Variants in CEBPA observed in about 807,000 individuals in gnomAD.
The protein encoded by CEBPA is CCAAT enhancer binding protein alpha, also known as CCAAT/enhancer-binding protein alpha.
CEBPA carries 2 observed loss-of-function variants against 5.1 expected under a neutral mutation model. That is an observed-to-expected ratio of 0.39 (90% confidence interval 0.16 to 1.23). CEBPA has a LOEUF of 1.23. CEBPA is among the 50% of genes most tolerant of loss of function. The probability of loss-of-function intolerance (pLI) is 0.34; values close to 1 mark genes in which losing one functional copy is unlikely to be tolerated. For synonymous variants in CEBPA, 275 were observed against 264.1 expected (o/e 1.04, Z -0.40); for missense variants, 455 against 537.4 (o/e 0.85, Z 1.52).
In CEBPA at chr19:33,302,196, GA is replaced by G; in HGVS notation, c.218del (p.Phe73SerfsTer87). The G allele has an allele frequency of 6.7e-7, 1 of 1,495,816 alleles. No homozygotes were observed. The highest frequency in any genetic ancestry group is 8.9e-7 in the Non-Finnish European group (1 of 1,119,740). The allele number at this position is 1,495,816 out of a possible 1,614,324, so 92.7% of individuals were successfully genotyped here. ...DISAYIDPAA[F>X]NDEFLADLFQ... ...ACAGGTCGGCCAGGAACTCGTCGTT[GA>G]AGGCGGCCGGGTCGATGTAGGCGCT... is the stretch of plus-strand genomic sequence containing the variant. On this transcript the variant is annotated frameshift_variant, in exon 1 of 1. Transcript: ENST00000498907. LOFTEE classifies it low-confidence loss of function (END_TRUNC).
Position 33,301,965 on chromosome 19 carries a change from G to A in CEBPA, c.450C>T (p.Val150=), listed in dbSNP as rs2145262031. Residue 150 remains valine (V), a synonymous_variant, in exon 1 of 1, where the codon GTC becomes GTT. Transcript: ENST00000498907. The surrounding 1 kb of genome is among the most constrained non-coding windows in gnomAD (Gnocchi z 6.0). ...DGRLEPLYER[V]GAPALRPLVI... ...CCAGCGGCCGCAGCGCCGGCGCCCC[G>A]ACGCGCTCGTACAGGGGCTCCAGCC... is the stretch of plus-strand genomic sequence containing the variant. 1 of 1,245,442 alleles carries A rather than the reference G, an allele frequency of 8.0e-7. No individual in the cohort carries two copies. Among genetic ancestry groups the A allele is most frequent in the African/African-American group, 1.6e-5 (1 of 63,002 alleles). The allele number at this position is 1,245,442 out of a possible 1,614,324, so 77.1% of individuals were successfully genotyped here. A position where few individuals can be genotyped will look rare whatever the true frequency, so the allele number is the denominator to read the frequency against.
In CEBPA at chr19:33,301,242, C is replaced by G; in HGVS notation, c.*96G>C. On this transcript the variant is annotated 3_prime_UTR_variant, in exon 1 of 1. Coordinates refer to ENST00000498907, the MANE Select transcript of CEBPA (RefSeq NM_004364.5). The surrounding 1 kb of genome is among the most constrained non-coding windows in gnomAD (Gnocchi z 6.0). ...GCACCGGAATCTCCTAGTCCTGGCT[C>G]GCACGGCTCGGGCAAGCCTCGAGAT... 6.8e-7 allele frequency: 1 copy of G among 1,476,186 alleles called. No homozygotes were observed. Among genetic ancestry groups the G allele is most frequent in the Non-Finnish European group, 9.0e-7 (1 of 1,116,630 alleles). The allele number at this position is 1,476,186 out of a possible 1,614,324, so 91.4% of individuals were successfully genotyped here. A position where few individuals can be genotyped will look rare whatever the true frequency, so the allele number is the denominator to read the frequency against.
In CEBPA at chr19:33,302,419, G is replaced by A. The variant is rs2145265175; in HGVS notation, c.-5C>T. On this transcript the variant is annotated 5_prime_UTR_variant, in exon 1 of 1. Transcript: ENST00000498907. ...GTAGAAGTCGGCCGACTCCATGGGGGAGTTAGAGTTCTCCCGGCATGGCGA... is the reference window on the plus strand; with the variant it reads ...GTAGAAGTCGGCCGACTCCATGGGGAAGTTAGAGTTCTCCCGGCATGGCGA... The A allele has an allele frequency of 2.4e-6, 3 of 1,266,794 alleles. No homozygotes were observed. Among genetic ancestry groups the A allele is most frequent in the Non-Finnish European group, 3.0e-6 (3 of 1,003,630 alleles). The allele number at this position is 1,266,794 out of a possible 1,614,324, so 78.5% of individuals were successfully genotyped here. A position where few individuals can be genotyped will look rare whatever the true frequency, so the allele number is the denominator to read the frequency against.
chr19:33,302,271 G>A lies in CEBPA; in HGVS notation c.144C>T (p.Ala48=), dbSNP rs2145264160. The A allele has an allele frequency of 1.1e-5, 17 of 1,485,554 alleles. No individual in the cohort carries two copies. The highest frequency in any genetic ancestry group is 1.5e-5 in the Non-Finnish European group (17 of 1,114,098). 92.0% of individuals were successfully genotyped at this position (1,485,554 alleles called of 1,614,324 possible). Residue 48 remains alanine, a synonymous_variant, in exon 1 of 1, where the codon GCC becomes GCT. Coordinates refer to ENST00000498907, the MANE Select transcript of CEBPA (RefSeq NM_004364.5). The part of the protein sequence containing the change: ...GPAQPPAPPA[A]PEPLGGICEH... ...CGCAGATGCCGCCCAGCGGCTCCGG[G>A]GCGGCAGGTGGGGCGGGAGGCTGCG...
At position 33,301,302 on chromosome 19, in the gene CEBPA, G is replaced by A. The variant is rs767293321; in HGVS notation, c.*36C>T. 46 of 1,550,658 alleles carry A rather than the reference G, an allele frequency of 3.0e-5. 1 individual carries two copies. The East Asian group carries it at 9.8e-4, about 33-fold the overall frequency. Reference sequence around the variant, plus strand: ...CCAAACCACTCCCTGGGTCCCCGCCGGAGGCTGGCCCAGGGCGGTCCCACA... The same window carrying A: ...CCAAACCACTCCCTGGGTCCCCGCCAGAGGCTGGCCCAGGGCGGTCCCACA... On this transcript the variant is annotated 3_prime_UTR_variant, in exon 1 of 1. Transcript: ENST00000498907. The surrounding 1 kb of genome is among the most constrained non-coding windows in gnomAD (Gnocchi z 6.0).
chr19:33,301,804 G>C lies in CEBPA; in HGVS notation c.611C>G (p.Pro204Arg). The change falls in exon 1 of 1, where the codon CCG becomes CGG. Residue 204 changes from proline to arginine, a missense_variant. Pro to Arg is a moderately radical substitution (Grantham distance 103). Transcript: ENST00000498907. The surrounding 1 kb of genome is among the most constrained non-coding windows in gnomAD (Gnocchi z 6.0). ...GTGCGCGATCTGGAACTGCAGGTGC[G>C]GGGCGGCCAGGTGCGCGGGCGGCGG... ...PHPPPAHLAA[P>R]HLQFQIAHCG... 8.1e-7 allele frequency: 1 copy of C among 1,238,550 alleles called. No homozygotes were observed. Among genetic ancestry groups the C allele is most frequent in the Non-Finnish European group, 1.0e-6 (1 of 991,762 alleles). The allele number at this position is 1,238,550 out of a possible 1,614,324, so 76.7% of individuals were successfully genotyped here.
At position 33,302,525 on chromosome 19, in the gene CEBPA, G is replaced by A; in HGVS notation, c.-111C>T. ...GCTCGCCCGCGCCCGCGCACCTCCGGGTCGCGAATGGCCCGGCCCGCGCCG... is the reference window on the plus strand; with the variant it reads ...GCTCGCCCGCGCCCGCGCACCTCCGAGTCGCGAATGGCCCGGCCCGCGCCG... On this transcript the variant is annotated 5_prime_UTR_variant, in exon 1 of 1. Transcript: ENST00000498907. The A allele has an allele frequency of 1.7e-6, 1 of 594,346 alleles. No individual in the cohort carries two copies. Among genetic ancestry groups the A allele is most frequent in the Non-Finnish European group, 2.4e-6 (1 of 411,554 alleles). The allele number at this position is 594,346 out of a possible 1,614,324, so 36.8% of individuals were successfully genotyped here. A position where few individuals can be genotyped will look rare whatever the true frequency, so the allele number is the denominator to read the frequency against.
Position 33,301,353 on chromosome 19 carries a change from C to T in CEBPA, c.1062G>A (p.Met354Ile), listed in dbSNP as rs1318442355. Residue 354 changes from methionine to isoleucine, a missense_variant, in exon 1 of 1, where the codon ATG (methionine) becomes ATA (isoleucine). By Grantham distance (10) the Met-to-Ile change is conservative (BLOSUM62 1). This residue lies in a region of CEBPA where 38 missense variants were observed against 30.3 expected (regional missense o/e 1.25). Coordinates refer to ENST00000498907, the MANE Select transcript of CEBPA (RefSeq NM_004364.5). This position sits in a 1 kb window ranked among gnomAD's most constrained non-coding sequence, Gnocchi z 6.0. ...QLPESSLVKA[M>I]GNCA ...GCCGCGCGCCTCACGCGCAGTTGCC[C>T]ATGGCCTTGACCAAGGAGCTCTCTG... 1.9e-6 allele frequency: 3 copies of T among 1,601,380 alleles called. No homozygotes were observed. The highest frequency in any genetic ancestry group is 2.2e-5 in the South Asian group (2 of 90,464).
rs747773004 is a variant in CEBPA at position 33,302,147 on chromosome 19, TCTC to T, written c.265_267del (p.Glu89del). 15 of 1,420,174 alleles carry T rather than the reference TCTC, an allele frequency of 1.1e-5. No individual in the cohort carries two copies. The highest frequency in any genetic ancestry group is 4.6e-5 in the South Asian group (3 of 65,354). 88.0% of individuals were successfully genotyped at this position (1,420,174 alleles called of 1,614,324 possible). Reference sequence around the variant, plus strand: ...GTGGGGCCCACGGCCGCCTTGGCCTTCTCCTGCTGCCGGCTGTGCTGGAACAGG... The same window carrying T: ...GTGGGGCCCACGGCCGCCTTGGCCTTCTGCTGCCGGCTGTGCTGGAACAGG... On this transcript the variant is annotated inframe_deletion, in exon 1 of 1. Coordinates refer to ENST00000498907, the MANE Select transcript of CEBPA (RefSeq NM_004364.5).
chr19:33,301,164 G>C lies in CEBPA; in HGVS notation c.*174C>G. On this transcript the variant is annotated 3_prime_UTR_variant, in exon 1 of 1. Coordinates refer to ENST00000498907, the MANE Select transcript of CEBPA (RefSeq NM_004364.5). This position sits in a 1 kb window ranked among gnomAD's most constrained non-coding sequence, Gnocchi z 6.0. ...GGCCCCCTCATCTTAGACGCACCAA[G>C]TCCGGCGCAGAGGAAGGGAGGGGAC... The C allele has an allele frequency of 8.7e-7, 1 of 1,152,894 alleles. No homozygotes were observed. Among genetic ancestry groups the C allele is most frequent in the Non-Finnish European group, 1.2e-6 (1 of 841,878 alleles). The allele number at this position is 1,152,894 out of a possible 1,614,324, so 71.4% of individuals were successfully genotyped here.
rs1356845856 is a variant in CEBPA, at chr19:33,302,132, C to A, written c.283G>T (p.Val95Leu). 7.2e-7 allele frequency: 1 copy of A among 1,381,256 alleles called. No homozygotes were observed. The highest frequency in any genetic ancestry group is 9.5e-7 in the Non-Finnish European group (1 of 1,055,574). 85.6% of individuals were successfully genotyped at this position (1,381,256 alleles called of 1,614,324 possible). A position where few individuals can be genotyped will look rare whatever the true frequency, so the allele number is the denominator to read the frequency against. Residue 95 changes from valine (V) to leucine (L), a missense_variant, in exon 1 of 1, where the codon GTG (valine) becomes TTG (leucine). Val to Leu is a conservative substitution (Grantham distance 32). Transcript: ENST00000498907. ...CCGCCGCCGCCGCCCGTGGGGCCCA[C>A]GGCCGCCTTGGCCTTCTCCTGCTGC... Reference protein sequence around the residue: ...SRQQEKAKAAVGPTGGGGGGD... With the variant: ...SRQQEKAKAALGPTGGGGGGD...
In CEBPA at chr19:33,301,806, G is replaced by C. The variant is rs1394828055; in HGVS notation, c.609C>G (p.Ala203=). The C allele has an allele frequency of 2.4e-6, 3 of 1,245,352 alleles. No homozygotes were observed. In the East Asian group the frequency reaches 1.0e-4, roughly 43 times the overall value. The allele number at this position is 1,245,352 out of a possible 1,614,324, so 77.1% of individuals were successfully genotyped here. A position where few individuals can be genotyped will look rare whatever the true frequency, so the allele number is the denominator to read the frequency against. ...GCGCGATCTGGAACTGCAGGTGCGG[G>C]GCGGCCAGGTGCGCGGGCGGCGGGT... ...HPHPPPAHLA[A]PHLQFQIAHC... The change falls in exon 1 of 1, where the codon GCC becomes GCG. Residue 203 remains alanine (A), a synonymous_variant. Transcript: ENST00000498907. The surrounding 1 kb of genome is among the most constrained non-coding windows in gnomAD (Gnocchi z 6.0).
In CEBPA at chr19:33,301,530, C is replaced by A; in HGVS notation, c.885G>T (p.Ala295=). Residue 295 remains alanine, a synonymous_variant, in exon 1 of 1, where the codon GCG becomes GCT. Coordinates refer to ENST00000498907, the MANE Select transcript of CEBPA (RefSeq NM_004364.5). This position sits in a 1 kb window ranked among gnomAD's most constrained non-coding sequence, Gnocchi z 6.0. ...YRVRRERNNI[A]VRKSRDKAKQ... ...TGGCCTTGTCGCGGCTCTTGCGCAC[C>A]GCGATGTTGTTGCGCTCGCGCCGCA... The A allele has an allele frequency of 6.2e-7, 1 of 1,613,482 alleles. No individual in the cohort carries two copies. Among genetic ancestry groups the A allele is most frequent in the African/African-American group, 1.3e-5 (1 of 75,046 alleles).
In CEBPA at chr19:33,301,237, T is replaced by C; in HGVS notation, c.*101A>G. 6.8e-7 allele frequency: 1 copy of C among 1,472,498 alleles called. No individual in the cohort carries two copies. Among genetic ancestry groups the C allele is most frequent in the Non-Finnish European group, 9.0e-7 (1 of 1,114,688 alleles). The allele number at this position is 1,472,498 out of a possible 1,614,324, so 91.2% of individuals were successfully genotyped here. A position where few individuals can be genotyped will look rare whatever the true frequency, so the allele number is the denominator to read the frequency against. ...AGGAGGCACCGGAATCTCCTAGTCC[T>C]GGCTCGCACGGCTCGGGCAAGCCTC... On this transcript the variant is annotated 3_prime_UTR_variant, in exon 1 of 1. Coordinates refer to ENST00000498907, the MANE Select transcript of CEBPA (RefSeq NM_004364.5). The surrounding 1 kb of genome is among the most constrained non-coding windows in gnomAD (Gnocchi z 6.0).
In CEBPA at chr19:33,300,925, C is replaced by G; in HGVS notation, c.*413G>C. 3.5e-6 allele frequency: 1 copy of G among 284,672 alleles called. No individual in the cohort carries two copies. Among genetic ancestry groups the G allele is most frequent in the Non-Finnish European group, 6.7e-6 (1 of 148,426 alleles). The allele number at this position is 284,672 out of a possible 1,614,324, so 17.6% of individuals were successfully genotyped here. ...CTCCTCCTGCCACGGGCCTGCTCCC[C>G]TCCTTCTCTCATGGGGGTCTGCTGT... is the stretch of plus-strand genomic sequence containing the variant. On this transcript the variant is annotated 3_prime_UTR_variant, in exon 1 of 1. Transcript: ENST00000498907.
Position 33,302,035 on chromosome 19 carries a change from G to T in CEBPA, c.380C>A (p.Pro127His). ...GGCCGCGCAGCCGTAGCCGGGCGGG[G>T]GCCCGTGCGCTCCCCCGGGCATGAC... ...GAVMPGGAHGPPPGYGCAAAG... is the reference protein window; with the variant it reads ...GAVMPGGAHGHPPGYGCAAAG... Residue 127 changes from proline (P) to histidine (H), a missense_variant, in exon 1 of 1, where the codon CCC becomes CAC. Physicochemically the swap from Pro to His is moderately conservative, Grantham distance 77 (BLOSUM62 -2). This residue lies in a region of CEBPA where 141 missense variants were observed against 124.1 expected (regional missense o/e 1.14). Transcript: ENST00000498907. 8.4e-7 allele frequency: 1 copy of T among 1,186,332 alleles called. No homozygotes were observed. The highest frequency in any genetic ancestry group is 1.0e-6 in the Non-Finnish European group (1 of 956,438). The allele number at this position is 1,186,332 out of a possible 1,614,324, so 73.5% of individuals were successfully genotyped here.
rs1283962729 is a variant in CEBPA at position 33,301,937 on chromosome 19, T to C, written c.478A>G (p.Ile160Val). The C allele has an allele frequency of 8.8e-7, 1 of 1,135,756 alleles. No individual in the cohort carries two copies. The highest frequency in any genetic ancestry group is 1.1e-6 in the Non-Finnish European group (1 of 919,060). The allele number at this position is 1,135,756 out of a possible 1,614,324, so 70.4% of individuals were successfully genotyped here. A position where few individuals can be genotyped will look rare whatever the true frequency, so the allele number is the denominator to read the frequency against. The change falls in exon 1 of 1, where the codon ATC becomes GTC. Residue 160 changes from isoleucine (I) to valine (V), a missense_variant. Ile to Val is a conservative substitution (Grantham distance 29). This residue lies in a region of CEBPA where 141 missense variants were observed against 124.1 expected (regional missense o/e 1.14). Coordinates refer to ENST00000498907, the MANE Select transcript of CEBPA (RefSeq NM_004364.5). The surrounding 1 kb of genome is among the most constrained non-coding windows in gnomAD (Gnocchi z 6.0). ...TCCTCCTCGCGGGGCTCCTGCTTGA[T>C]CACCAGCGGCCGCAGCGCCGGCGCC... Reference protein sequence around the residue: ...VGAPALRPLVIKQEPREEDEA... With the variant: ...VGAPALRPLVVKQEPREEDEA...
Position 33,301,870 on chromosome 19 carries a change from T to A in CEBPA, c.545A>T (p.Gln182Leu), listed in dbSNP as rs1555742145. ...CGAGGGCGGCGGCGGCGGCGGCGGC[T>A]GGTAAGGGAAGAGGCCGGCCAGCGC... Reference protein sequence around the residue: ...QLALAGLFPYQPPPPPPPSHP... With the variant: ...QLALAGLFPYLPPPPPPPSHP... The change falls in exon 1 of 1, where the codon CAG becomes CTG. Residue 182 changes from glutamine to leucine, a missense_variant. Gln to Leu is a moderately radical substitution (Grantham distance 113, BLOSUM62 -2). Coordinates refer to ENST00000498907, the MANE Select transcript of CEBPA (RefSeq NM_004364.5). This position sits in a 1 kb window ranked among gnomAD's most constrained non-coding sequence, Gnocchi z 6.0. 3 of 1,273,668 alleles carry A rather than the reference T, an allele frequency of 2.4e-6. No individual in the cohort carries two copies. Among genetic ancestry groups the A allele is most frequent in the Non-Finnish European group, 3.0e-6 (3 of 1,001,516 alleles). 78.9% of individuals were successfully genotyped at this position (1,273,668 alleles called of 1,614,324 possible).
rs998171625 is a variant in CEBPA, at chr19:33,300,856, C to T, written c.*482G>A. ...CTTTCTAAGGACAGGCGTGGAGGAG[C>T]GGCTGGGGCTGGCGGGCTTGTCGGG... is the stretch of plus-strand genomic sequence containing the variant. On this transcript the variant is annotated 3_prime_UTR_variant, in exon 1 of 1. Transcript: ENST00000498907. The T allele has an allele frequency of 7.9e-6, 2 of 253,526 alleles. No homozygotes were observed. The highest frequency in any genetic ancestry group is 1.1e-4 in the East Asian group (2 of 18,004). 15.7% of individuals were successfully genotyped at this position (253,526 alleles called of 1,614,324 possible). A position where few individuals can be genotyped will look rare whatever the true frequency, so the allele number is the denominator to read the frequency against.
Sources: gnomAD v4.1 joint callset for allele counts on GRCh38, gnomAD v4.1.1 for gene constraint, gnomAD v4.1.1 regional missense constraint, Gnocchi (gnomAD v3.1) non-coding constraint, MANE v1.5 for transcripts, NCBI Gene and HGNC (gene_info 2026-07-23, HGNC 2026-07-21) for gene names.